Variants in FKRP observed in about 807,000 individuals in gnomAD.
FKRP encodes ribitol 5-phosphate transferase FKRP.
Under a neutral mutation model 30.6 loss-of-function variants are expected in FKRP, and 25 were observed. The observed-to-expected ratio is 0.82, with a 90% CI of 0.60 to 1.14. FKRP has a LOEUF of 1.14. Ranked by LOEUF, FKRP falls within the 50% of genes most tolerant of loss-of-function variation. FKRP has a pLI of 0.00. For missense variants in FKRP, 771 were observed against 727.8 expected, an observed-to-expected ratio of 1.06 and a Z score of -0.68; for synonymous variants, 358 against 342.5, an observed-to-expected ratio of 1.05 and a Z score of -0.50.
chr19:46,751,895 C>A (rs1175668338), intron 3 of FKRP, among the ~76,000 whole-genome samples: 3 of 151,834 alleles, frequency 2.0e-5, no homozygotes, highest in Non-Finnish European at 4.4e-5. Context: ...AATAGGATGG[C>A]CAAAGGAAGA....
chr19:46,754,546 C>G (rs1217615581), intron 3 of FKRP, among the ~76,000 whole-genome samples: 1 of 136,352 alleles, frequency 7.3e-6, no homozygotes, highest in African/African-American at 2.8e-5. Context: ...CGTGAGTCAC[C>G]ATACCTGGCC....
Position 46,746,089 on chromosome 19 carries a change from G to A in FKRP, c.-254G>A, listed in dbSNP as rs1371331156. On this transcript the variant is annotated splice_region_variant and 5_prime_UTR_variant, in exon 1 of 4. Coordinates refer to ENST00000318584, the MANE Select transcript of FKRP (RefSeq NM_024301.5). ...CCAAGATGGCGGCGGCGGCGGCAGC[G>A]GGTGAGGCCGGGCCGGGCCGGGCCG... 9.2e-6 allele frequency: 12 copies of A among 1,303,576 alleles called. No individual in the cohort carries two copies. The highest frequency in any genetic ancestry group is 4.7e-5 in the African/African-American group (3 of 63,352). 80.8% of individuals were successfully genotyped at this position (1,303,576 alleles called of 1,614,324 possible). A position where few individuals can be genotyped will look rare whatever the true frequency, so the allele number is the denominator to read the frequency against.
At chr19:46,747,131 GC>G (rs1327635862) in intron 1 of FKRP, 4 of 152,382 alleles carry the variant, frequency 2.6e-5, no homozygotes, top group Non-Finnish European at 5.9e-5. Flanking sequence ...CTCTTCCCCA[GC>G]CCCTCCCCCA....
At chr19:46,745,898 G>A (rs1267944161), upstream of FKRP, 4 of 371,718 alleles carry the variant, frequency 1.1e-5, no homozygotes, top group Non-Finnish European at 1.9e-5. Flanking sequence ...GGCCGGTCCC[G>A]GTGATCCCTC....
chr19:46,745,654 G>C (rs2054573452), upstream of FKRP: 1 of 152,698 alleles, frequency 6.5e-6, no homozygotes, highest in Non-Finnish European at 1.5e-5. Flanking sequence ...CTAGGGCCAT[G>C]GTCGGGGTCG....
chr19:46,756,870 G>C lies in FKRP; in HGVS notation c.1420G>C (p.Gly474Arg). ...NYRRFLELKFGPGVIENPQYP... is the reference protein window; with the variant it reads ...NYRRFLELKFRPGVIENPQYP... ...CCGCCGCTTCCTGGAGCTCAAGTTC[G>C]GGCCCGGGGTCATCGAGAACCCCCA... is the stretch of plus-strand genomic sequence containing the variant. The change falls in exon 4 of 4, where the codon GGG becomes CGG. Residue 474 changes from glycine to arginine, a missense_variant. Physicochemically the swap from Gly to Arg is moderately radical, Grantham distance 125 (BLOSUM62 -2). Transcript: ENST00000318584. The surrounding 1 kb of genome is among the most constrained non-coding windows in gnomAD (Gnocchi z 6.6). 6.2e-7 allele frequency: 1 copy of C among 1,611,418 alleles called. No homozygotes were observed. Among genetic ancestry groups the C allele is most frequent in the Non-Finnish European group, 8.5e-7 (1 of 1,179,252 alleles).
upstream of FKRP, among the ~76,000 whole-genome samples, chr19:46,745,410 C>T (rs1386990224): frequency 2.0e-5 from 3 of 152,162 alleles, no homozygotes; most frequent in Non-Finnish European, 2.9e-5. Flanking sequence ...AAAGTTTCTC[C>T]TCAGAGGGGA....
In FKRP at chr19:46,756,348, G is replaced by A. The variant is rs563033008; in HGVS notation, c.898G>A (p.Val300Met). The A allele has an allele frequency of 6.1e-5, 95 of 1,559,086 alleles. 1 individual carries two copies. In the African/African-American group the frequency reaches 7.8e-4, roughly 13 times the overall value. Residue 300 changes from valine to methionine, a missense_variant, in exon 4 of 4, where the codon GTG becomes ATG. Transcript: ENST00000318584. The surrounding 1 kb of genome is among the most constrained non-coding windows in gnomAD (Gnocchi z 6.6). ...GGAGACCACGCGCTGCTTCGGAACC[G>A]TGGTGGGCGACACGCCCGCCTACCT... is the stretch of plus-strand genomic sequence containing the variant. ...NKETTRCFGT[V>M]VGDTPAYLYE... is the part of the protein sequence containing the mutation.
rs552260353 is a variant in FKRP, at chr19:46,756,590, G to T, written c.1140G>T (p.Gly380=). 6.2e-7 allele frequency: 1 copy of T among 1,610,798 alleles called. No homozygotes were observed. Residue 380 remains glycine, a synonymous_variant, in exon 4 of 4, where the codon GGG becomes GGT. Transcript: ENST00000318584. This position sits in a 1 kb window ranked among gnomAD's most constrained non-coding sequence, Gnocchi z 6.6. ...TGGGCAACTGCGAGCAGCTGCGGGG[G>T]GCAGAGGCCGGCTCGGTGGTGGATG... ...EDVGNCEQLR[G]AEAGSVVDER...
intron 3 of FKRP, among the ~76,000 whole-genome samples, chr19:46,749,408 CT>C (rs34544320): frequency 0.04 from 4,621 of 114,766 alleles, 50 homozygotes; most frequent in East Asian, 0.12. Context: ...CCTTTGTTTC[CT>C]TTTTTTTTTT....
chr19:46,746,592 T>G, intron 1 of FKRP: 2 of 226,132 alleles, frequency 8.8e-6, no homozygotes, highest in Non-Finnish European at 1.5e-5. Flanking sequence ...CACCCGGGTC[T>G]ACACCGAAGG....
At position 46,756,900 on chromosome 19, in the gene FKRP, C is replaced by A. The variant is rs1244533843; in HGVS notation, c.1450C>A (p.Pro484Thr). Residue 484 changes from proline (P) to threonine (T), a missense_variant, in exon 4 of 4, where the codon CCC (proline) becomes ACC (threonine). Pro to Thr is a conservative substitution (Grantham distance 38). Transcript: ENST00000318584. This position sits in a 1 kb window ranked among gnomAD's most constrained non-coding sequence, Gnocchi z 6.6. ...GPGVIENPQYPNPALLSLTGS... is the reference protein window; with the variant it reads ...GPGVIENPQYTNPALLSLTGS... ...CGGGGTCATCGAGAACCCCCAGTAC[C>A]CCAACCCGGCACTGCTGAGTCTGAC... 5 of 1,613,036 alleles carry A rather than the reference C, an allele frequency of 3.1e-6. No homozygotes were observed. The South Asian group carries it at 3.3e-5, about 11-fold the overall frequency.
chr19:46,744,932 C>T (rs988144875), upstream of FKRP, among the ~76,000 whole-genome samples: 4 of 152,050 alleles, frequency 2.6e-5, no homozygotes, highest in African/African-American at 9.7e-5. Context: ...CAAACCCTAG[C>T]CCAACTCCTC....
Position 46,755,921 on chromosome 19 carries a change from C to A in FKRP, c.471C>A (p.Ala157=), listed in dbSNP as rs1366423719. The change falls in exon 4 of 4, where the codon GCC becomes GCA. Residue 157 remains alanine (A), a synonymous_variant. Coordinates refer to ENST00000318584, the MANE Select transcript of FKRP (RefSeq NM_024301.5). ...ALRAGSARLV[A]APVATANPAR... ...GCGCAGGAAGCGCACGTCTGGTGGCCGCCCCGGTTGCCACGGCCAACCCTG... is the reference window on the plus strand; with the variant it reads ...GCGCAGGAAGCGCACGTCTGGTGGCAGCCCCGGTTGCCACGGCCAACCCTG... 2.6e-6 allele frequency: 4 copies of A among 1,528,320 alleles called. No individual in the cohort carries two copies. In the South Asian group the frequency reaches 4.8e-5, roughly 18 times the overall value. The allele number at this position is 1,528,320 out of a possible 1,614,324, so 94.7% of individuals were successfully genotyped here.
chr19:46,746,404 C>A, intron 1 of FKRP: 1 of 1,051,264 alleles, frequency 9.5e-7, no homozygotes, highest in East Asian at 7.7e-5. Context: ...CGGCGGCGAC[C>A]GCGGCGGCCG....
At chr19:46,748,419 G>C (rs1378034393) in intron 2 of FKRP, 96 bp from the exon 3 acceptor site, 1 of 152,016 alleles carries the variant, frequency 6.6e-6, no homozygotes, top group Non-Finnish European at 1.5e-5. Context: ...CTCGTGATCC[G>C]CCCGCCTCGG....
chr19:46,746,151 G>T, intron 1 of FKRP, 61 bp downstream of exon 1: 1 of 1,522,154 alleles, frequency 6.6e-7, no homozygotes. Flanking sequence ...GCGCTCACCT[G>T]TAACTCGGCG....
intron 1 of FKRP, chr19:46,746,437 C>A: frequency 9.9e-7 from 1 of 1,013,150 alleles, no homozygotes; most frequent in Non-Finnish European, 1.2e-6. Flanking sequence ...TCATGGAGGC[C>A]CCGGGGCCGG....
At position 46,758,175 on chromosome 19, in the gene FKRP, G is replaced by T. The variant is rs1237348793; in HGVS notation, c.*1237G>T. On this transcript the variant is annotated 3_prime_UTR_variant, in exon 4 of 4. Coordinates refer to ENST00000318584, the MANE Select transcript of FKRP (RefSeq NM_024301.5). ...AGATGAAAAAGCTGAGGCCAGAATCGTGAAGTCACTTGCTCAAGGTCAGGC... is the reference window on the plus strand; with the variant it reads ...AGATGAAAAAGCTGAGGCCAGAATCTTGAAGTCACTTGCTCAAGGTCAGGC... The T allele has an allele frequency of 6.0e-6, 1 of 167,068 alleles. No individual in the cohort carries two copies. The highest frequency in any genetic ancestry group is 1.5e-5 in the Non-Finnish European group (1 of 68,142). 10.3% of individuals were successfully genotyped at this position (167,068 alleles called of 1,614,324 possible).
Sources: gnomAD v4.1 joint callset for allele counts (sites outside exome capture counted in the v4.1 genomes callset) on GRCh38, gnomAD v4.1.1 for gene constraint, Gnocchi (gnomAD v3.1) non-coding constraint, MANE v1.5 for transcripts, NCBI Gene and HGNC (gene_info 2026-07-23, HGNC 2026-07-21) for gene names.